Variants in GPHN observed in about 807,000 individuals in gnomAD.
The protein encoded by GPHN is gephyrin.
A neutral mutation model predicts 95.5 loss-of-function variants in GPHN; 17 were observed. The observed-to-expected ratio is 0.18, with a 90% CI of 0.12 to 0.27. The LOEUF is 0.27. Among genes scored for constraint, GPHN ranks in the 10% least tolerant of loss-of-function variants. The probability of loss-of-function intolerance (pLI) is 1.00; values close to 1 mark genes in which losing one functional copy is unlikely to be tolerated. For missense variants in GPHN, 660 were observed against 978.1 expected (o/e 0.67, Z 4.34); for synonymous variants, 320 against 322.5 (o/e 0.99, Z 0.08).
chr14:67,719,201 A>G, the GPHN span, among the ~76,000 whole-genome samples: 1 of 152,252 alleles, frequency 6.6e-6, no homozygotes. Context: ...TTTATGCACA[A>G]GACAATCAGT....
At chr14:66,754,853 G>C (rs1190689904) in intron 2 of GPHN, among the ~76,000 whole-genome samples, 1 of 151,926 alleles carries the variant, frequency 6.6e-6, no homozygotes, top group Non-Finnish European at 1.5e-5. Flanking sequence ...CAATTATATA[G>C]CCTAAGTTGG....
At chr14:67,096,139 G>T (rs894216748) in intron 12 of GPHN, among the ~76,000 whole-genome samples, 1 of 152,064 alleles carries the variant, frequency 6.6e-6, no homozygotes, top group Non-Finnish European at 1.5e-5. Flanking sequence ...CTTCTATGTA[G>T]TTGTTTGACT....
chr14:66,639,980 G>A (rs1434245410), intron 1 of GPHN, among the ~76,000 whole-genome samples: 1 of 152,142 alleles, frequency 6.6e-6, no homozygotes, highest in African/African-American at 2.4e-5. Flanking sequence ...GATATTAAAT[G>A]TAGGGATTTA....
the GPHN span, among the ~76,000 whole-genome samples, chr14:67,718,330 A>G: frequency 1.3e-5 from 2 of 152,338 alleles, no homozygotes; most frequent in East Asian, 1.9e-4. Flanking sequence ...GAGAAAGAGA[A>G]GTTTACAGTT....
chr14:67,213,244 A>G, the GPHN span, among the ~76,000 whole-genome samples: 2 of 150,066 alleles, frequency 1.3e-5, no homozygotes, highest in Non-Finnish European at 1.5e-5. Context: ...TACATGTGCC[A>G]TGCTGGTGTG....
chr14:67,465,643 G>C, the GPHN span, among the ~76,000 whole-genome samples: 2 of 152,208 alleles, frequency 1.3e-5, no homozygotes, highest in African/African-American at 4.8e-5. Context: ...GGTACAAAAT[G>C]CAAGGGCTTC....
the GPHN span, among the ~76,000 whole-genome samples, chr14:67,661,645 C>G: frequency 2.0e-5 from 3 of 151,382 alleles, no homozygotes; most frequent in East Asian, 5.8e-4. Flanking sequence ...TGATCTCCCA[C>G]CTCAGCCTCC....
At chr14:66,766,480 T>C (rs888362090) in intron 2 of GPHN, among the ~76,000 whole-genome samples, 1 of 152,092 alleles carries the variant, frequency 6.6e-6, no homozygotes, top group African/African-American at 2.4e-5. Context: ...AATGAAACAC[T>C]AGACTCACAA....
intron 10 of GPHN, among the ~76,000 whole-genome samples, chr14:67,048,725 G>A (rs2075153902): frequency 6.6e-6 from 1 of 152,126 alleles, no homozygotes; most frequent in Admixed American, 6.5e-5. Flanking sequence ...AACAGTAACA[G>A]TGATATCACC....
Position 66,662,333 on chromosome 14 carries a change from T to G in GPHN, c.65-18774T>G, listed in dbSNP as rs369015696. ...AGAGGAAGGGGCAGGCTGCCATCTT[T>G]GCAGTTTTGCAGCCTTCACTGGTGA... On this transcript the variant is annotated intron_variant, in intron 1 of 22. Coordinates refer to ENST00000478722, the MANE Select transcript of GPHN (RefSeq NM_020806.5). Among the ~76,000 whole-genome samples, 52 of 152,266 alleles carry G rather than the reference T, an allele frequency of 3.4e-4. 1 individual carries two copies. In the South Asian group the frequency reaches 0.011, roughly 32 times the overall value.
At chr14:67,619,711 G>A in the GPHN span, 2 of 384,488 alleles carry the variant, frequency 5.2e-6, no homozygotes, top group South Asian at 4.1e-5. Flanking sequence ...AGCGGCAGGG[G>A]CATGTCCCTG....
At chr14:66,672,857 C>T (rs2066372354) in intron 1 of GPHN, among the ~76,000 whole-genome samples, 1 of 151,974 alleles carries the variant, frequency 6.6e-6, no homozygotes. Context: ...TTTTAATCTA[C>T]CCTGACAATC....
At chr14:67,067,446 A>G (rs2076107248) in intron 11 of GPHN, among the ~76,000 whole-genome samples, 2 of 152,128 alleles carry the variant, frequency 1.3e-5, no homozygotes, top group African/African-American at 4.8e-5. Flanking sequence ...CCATTCTCAG[A>G]GCTCAAACGA....
At chr14:67,724,680 C>T in the GPHN span, 12 of 1,040,526 alleles carry the variant, frequency 1.2e-5, no homozygotes, top group East Asian at 1.7e-4. Context: ...TGTGTTTCCT[C>T]CTAGGCTTGG....
At chr14:66,999,148 A>G (rs2072040334) in intron 9 of GPHN, among the ~76,000 whole-genome samples, 1 of 151,924 alleles carries the variant, frequency 6.6e-6, no homozygotes, top group Non-Finnish European at 1.5e-5. Context: ...GAAGTTGTTA[A>G]AAGTCATTAG....
chr14:66,640,546 G>T (rs2064334531), intron 1 of GPHN, among the ~76,000 whole-genome samples: 2 of 152,150 alleles, frequency 1.3e-5, no homozygotes, highest in Admixed American at 1.3e-4. Flanking sequence ...ATCCTTTGGG[G>T]TTTTTTAACT....
chr14:66,779,989 G>A (rs2059546542), intron 3 of GPHN, among the ~76,000 whole-genome samples: 1 of 152,102 alleles, frequency 6.6e-6, no homozygotes, highest in African/African-American at 2.4e-5. Flanking sequence ...CTCAAGCAGT[G>A]ACAATGAGGC....
At chr14:66,684,837 G>C (rs1183885594) in intron 2 of GPHN, among the ~76,000 whole-genome samples, 1 of 151,902 alleles carries the variant, frequency 6.6e-6, no homozygotes, top group East Asian at 1.9e-4. Context: ...TGCCATGTTG[G>C]TGTGCTGCAC....
At chr14:66,918,678 G>A (rs1274028026) in intron 6 of GPHN, among the ~76,000 whole-genome samples, 1 of 151,718 alleles carries the variant, frequency 6.6e-6, no homozygotes, top group African/African-American at 2.4e-5. Context: ...GTCTAACATT[G>A]TTAGACTGTC....
Sources: allele counts gnomAD v4.1 joint callset (sites outside exome capture counted in the v4.1 genomes callset), GRCh38; gene constraint gnomAD v4.1.1; transcripts MANE v1.5; gene names NCBI Gene and HGNC (gene_info 2026-07-23, HGNC 2026-07-21).